IBSP: variants seen among roughly 807,000 people sequenced by gnomAD.
IBSP encodes the protein integrin binding sialoprotein.
Under a neutral mutation model 25.5 loss-of-function variants are expected in IBSP, and 19 were observed. That is an observed-to-expected ratio of 0.74 (90% CI 0.52 to 1.09). The LOEUF is 1.09. IBSP is among the 50% of genes least tolerant of loss of function. IBSP has a pLI of 0.00. For missense variants in IBSP, 360 were observed against 382.3 expected (o/e 0.94, Z 0.49); for synonymous variants, 144 against 137.6 (o/e 1.05, Z -0.33).
intron 5 of IBSP, among the ~76,000 whole-genome samples, chr4:87,807,411 C>T (rs1722103625): frequency 6.8e-6 from 1 of 147,752 alleles, no homozygotes; most frequent in Admixed American, 6.6e-5. Context: ...TAACATTTCC[C>T]GTATCATAAT....
intron 5 of IBSP, among the ~76,000 whole-genome samples, chr4:87,808,854 G>A (rs1422138957): frequency 6.6e-6 from 1 of 152,128 alleles, no homozygotes; most frequent in African/African-American, 2.4e-5. Context: ...CTGTTGATGG[G>A]CACTTAAGTA....
At position 87,812,098 on chromosome 4, in the gene IBSP, T is replaced by C. The variant is rs950182951; in HGVS notation, c.*188T>C. ...CTTGTCCCTTTTTTTTCTGGCATGTTATGGAATGATCATTGTAAATCAGGA... is the reference window on the plus strand; with the variant it reads ...CTTGTCCCTTTTTTTTCTGGCATGTCATGGAATGATCATTGTAAATCAGGA... On this transcript the variant is annotated 3_prime_UTR_variant, in exon 7 of 7. Coordinates refer to ENST00000226284, the MANE Select transcript of IBSP (RefSeq NM_004967.4). The C allele has an allele frequency of 2.0e-6, 1 of 490,776 alleles. No homozygotes were observed. Among genetic ancestry groups the C allele is most frequent in the Non-Finnish European group, 3.5e-6 (1 of 283,242 alleles). The allele number at this position is 490,776 out of a possible 1,614,324, so 30.4% of individuals were successfully genotyped here.
At chr4:87,802,484 A>G in intron 2 of IBSP, 24 bp from the exon 3 acceptor site, 1 of 1,594,642 alleles carries the variant, frequency 6.3e-7, no homozygotes. Flanking sequence ...AAATTATGCA[A>G]TAATTAAATG....
At chr4:87,810,096 T>C (rs1722149611) in intron 5 of IBSP, among the ~76,000 whole-genome samples, 1 of 152,082 alleles carries the variant, frequency 6.6e-6, no homozygotes, top group Non-Finnish European at 1.5e-5. Context: ...TGGTGGCATG[T>C]GCCTGTAGTC....
chr4:87,804,509 T>C (rs989832663), intron 4 of IBSP, among the ~76,000 whole-genome samples: 1 of 152,210 alleles, frequency 6.6e-6, no homozygotes, highest in Non-Finnish European at 1.5e-5. Context: ...AAATTGTCAT[T>C]TTGTGATTCA....
intron 1 of IBSP, among the ~76,000 whole-genome samples, chr4:87,799,958 A>T (rs773949035): frequency 4.4e-4 from 67 of 152,150 alleles, no homozygotes; most frequent in Non-Finnish European, 8.5e-4. Context: ...ACTATTTTGC[A>T]TTTGCAAATC....
Position 87,810,776 on chromosome 4 carries a change from A to G in IBSP, c.405+12A>G. ...AGCTTCCCAAGAAGGTAACAATGGA[A>G]TTATTCCTCCAAAATGAAATTATTA... On this transcript the variant is annotated intron_variant, in intron 6 of 6. Transcript: ENST00000226284. The G allele has an allele frequency of 6.3e-7, 1 of 1,598,606 alleles. No individual in the cohort carries two copies.
chr4:87,802,856 TAAG>T, intron 4 of IBSP, 125 bp downstream of exon 4: 1 of 627,178 alleles, frequency 1.6e-6, no homozygotes, highest in Non-Finnish European at 2.6e-6. Context: ...CTGCTTACTA[TAAG>T]AAGTTTGTTT....
At chr4:87,804,567 A>G (rs866179780) in intron 4 of IBSP, among the ~76,000 whole-genome samples, 4 of 152,300 alleles carry the variant, frequency 2.6e-5, no homozygotes, top group Middle Eastern at 3.4e-3. Flanking sequence ...ATTTAATCTT[A>G]TATTTCCTTT....
intron 1 of IBSP, among the ~76,000 whole-genome samples, chr4:87,801,801 T>C (rs1237444024): frequency 1.2e-4 from 18 of 152,108 alleles, no homozygotes; most frequent in Admixed American, 1.2e-3. Flanking sequence ...CATGCCAAGC[T>C]AATTTCTGCA....
rs778491870 is a variant in IBSP at position 87,811,586 on chromosome 4, T to A, written c.630T>A (p.Asn210Lys). The change falls in exon 7 of 7, where the codon AAT becomes AAA. Residue 210 changes from asparagine (N) to lysine (K), a missense_variant. Asn to Lys is a moderately conservative substitution (Grantham distance 94). Transcript: ENST00000226284. ...AAGAAGAAAGTGTCACTGGAGCCAA[T>A]GCAGAAGACACCACAGAGACCGGAA... is the stretch of plus-strand genomic sequence containing the variant. The part of the protein sequence containing the change: ...EGEEESVTGA[N>K]AEDTTETGRQ... 1 of 1,613,200 alleles carries A rather than the reference T, an allele frequency of 6.2e-7. No homozygotes were observed. Among genetic ancestry groups the A allele is most frequent in the Non-Finnish European group, 8.5e-7 (1 of 1,179,796 alleles).
intron 5 of IBSP, among the ~76,000 whole-genome samples, chr4:87,809,043 C>A (rs762704644): frequency 6.6e-6 from 1 of 152,164 alleles, no homozygotes; most frequent in African/African-American, 2.4e-5. Flanking sequence ...CCAAAACAGA[C>A]GTACTCAGGT....
chr4:87,808,616 A>G (rs770242062), intron 5 of IBSP, among the ~76,000 whole-genome samples: 13 of 152,176 alleles, frequency 8.5e-5, no homozygotes, highest in Non-Finnish European at 1.9e-4. Context: ...GTTCCATTCC[A>G]CTCATTAACA....
chr4:87,808,748 A>G (rs974217173), intron 5 of IBSP, among the ~76,000 whole-genome samples: 1 of 152,026 alleles, frequency 6.6e-6, no homozygotes, highest in Non-Finnish European at 1.5e-5. Context: ...TTCACTCTCA[A>G]ATTTAGAGAT....
chr4:87,808,976 G>A (rs140931220), intron 5 of IBSP, among the ~76,000 whole-genome samples: 94 of 152,138 alleles, frequency 6.2e-4, no homozygotes, highest in East Asian at 3.9e-3. Context: ...GTGAAATTTC[G>A]GAGTCGAAAT....
chr4:87,805,619 AT>A (rs1722078760), intron 4 of IBSP, among the ~76,000 whole-genome samples: 1 of 152,192 alleles, frequency 6.6e-6, no homozygotes. Flanking sequence ...AAGCTGAATG[AT>A]TTCTTTCATG....
chr4:87,812,215 T>C lies in IBSP; in HGVS notation c.*305T>C. ...TATAAATAGTAGTTTTTAACATGCC[T>C]GTAGTATTGCTAACTGCAAAAACAT... On this transcript the variant is annotated 3_prime_UTR_variant, in exon 7 of 7. Transcript: ENST00000226284. 1 of 284,516 alleles carries C rather than the reference T, an allele frequency of 3.5e-6. No individual in the cohort carries two copies. Among genetic ancestry groups the C allele is most frequent in the Non-Finnish European group, 6.5e-6 (1 of 154,882 alleles). The allele number at this position is 284,516 out of a possible 1,614,324, so 17.6% of individuals were successfully genotyped here. A position where few individuals can be genotyped will look rare whatever the true frequency, so the allele number is the denominator to read the frequency against.
rs1404697230 is a variant in IBSP at position 87,811,701 on chromosome 4, C to T, written c.745C>T (p.Pro249Ser). The T allele has an allele frequency of 6.2e-7, 1 of 1,613,956 alleles. No homozygotes were observed. The highest frequency in any genetic ancestry group is 1.7e-5 in the Admixed American group (1 of 59,996). The change falls in exon 7 of 7, where the codon CCA becomes TCA. Residue 249 changes from proline to serine, a missense_variant. Pro to Ser is a moderately conservative substitution (Grantham distance 74). Transcript: ENST00000226284. Reference sequence around the variant, plus strand: ...ACCACAAGTCTATAGAACCACTTCCCCACCTTTTGGGAAAACCACCACCGT... The same window carrying T: ...ACCACAAGTCTATAGAACCACTTCCTCACCTTTTGGGAAAACCACCACCGT... ...TPPQVYRTTS[P>S]PFGKTTTVEY...
chr4:87,810,488 C>A, intron 5 of IBSP, 118 bp from the exon 6 acceptor site: 1 of 752,092 alleles, frequency 1.3e-6, no homozygotes. Context: ...GATCAGCCAG[C>A]TGAGGGATGC....
Sources: allele counts gnomAD v4.1 joint callset (sites outside exome capture counted in the v4.1 genomes callset), GRCh38; gene constraint gnomAD v4.1.1; transcripts MANE v1.5; gene names NCBI Gene and HGNC (gene_info 2026-07-23, HGNC 2026-07-21).